LRRC1: variants seen among roughly 807,000 people sequenced by gnomAD.
LRRC1 encodes the protein leucine-rich repeat-containing protein 1.
In LRRC1, 28 loss-of-function variants were observed where a neutral mutation model predicts 69.9. The ratio of observed to expected loss-of-function variants is 0.40; its 90% CI spans 0.30 to 0.55. The LOEUF (loss-of-function observed/expected upper bound fraction) is 0.55, where lower values mean the gene tolerates loss of function less well. Among genes scored for constraint, LRRC1 ranks in the 20% least tolerant of loss-of-function variants. The pLI is 0.47. For synonymous variants in LRRC1, 236 were observed against 240.2 expected (o/e 0.98, Z 0.16); for missense variants, 498 against 609.0 (o/e 0.82, Z 1.92).
intron 4 of LRRC1, among the ~76,000 whole-genome samples, chr6:53,886,441 G>A (rs1767482715): frequency 2.0e-5 from 3 of 152,148 alleles, no homozygotes; most frequent in Admixed American, 2.0e-4. Context: ...AGTTATAATG[G>A]TGGTGGGTTA....
chr6:53,903,495 T>A lies in LRRC1; in HGVS notation c.906+748T>A, dbSNP rs1768130285. ...CATATAGCACTCTCTTTTCTTCAGTTTACTCTCCTACTTTTCTCTTTTCTC... is the reference window on the plus strand; with the variant it reads ...CATATAGCACTCTCTTTTCTTCAGTATACTCTCCTACTTTTCTCTTTTCTC... On this transcript the variant is annotated intron_variant, in intron 9 of 13. Coordinates refer to ENST00000370888, the MANE Select transcript of LRRC1 (RefSeq NM_018214.5). Among the ~76,000 whole-genome samples the A allele has an allele frequency of 2.6e-5, 4 of 152,314 alleles. No homozygotes were observed. The South Asian group carries it at 8.3e-4, about 32-fold the overall frequency.
intron 8 of LRRC1, among the ~76,000 whole-genome samples, chr6:53,901,499 T>A (rs575705626): frequency 8.5e-5 from 13 of 152,098 alleles, no homozygotes; most frequent in Non-Finnish European, 1.3e-4. Flanking sequence ...TGAGCCGTGA[T>A]TGTACCGGGG....
intron 8 of LRRC1, among the ~76,000 whole-genome samples, chr6:53,901,244 T>C (rs1031388783): frequency 6.6e-6 from 1 of 152,152 alleles, no homozygotes; most frequent in African/African-American, 2.4e-5. Context: ...AATGAAAGTA[T>C]TGTGAATTTC....
intron 3 of LRRC1, among the ~76,000 whole-genome samples, chr6:53,881,322 G>A (rs1581896024): frequency 6.6e-6 from 1 of 152,258 alleles, no homozygotes; most frequent in East Asian, 1.9e-4. Context: ...TCCTAACCTT[G>A]GGTCTGTACT....
intron 9 of LRRC1, 82 bp downstream of exon 9, chr6:53,902,829 A>G: frequency 1.2e-6 from 1 of 848,954 alleles, no homozygotes. Flanking sequence ...ACTAAATGGA[A>G]ATTTCTTCAT....
chr6:53,878,921 T>C, intron 2 of LRRC1, 72 bp from the exon 3 acceptor site: 2 of 818,442 alleles, frequency 2.4e-6, no homozygotes, highest in Non-Finnish European at 4.1e-6. Context: ...CTTGTGAGTG[T>C]GATCCATCTT....
chr6:53,830,780 G>T (rs1222958916), intron 1 of LRRC1, among the ~76,000 whole-genome samples: 1 of 151,682 alleles, frequency 6.6e-6, no homozygotes, highest in Non-Finnish European at 1.5e-5. Flanking sequence ...GGTTGGTTAG[G>T]TTGGTGCAAA....
At chr6:53,879,223 T>C (rs1767179978) in intron 3 of LRRC1, 152 bp downstream of exon 3, 1 of 607,454 alleles carries the variant, frequency 1.6e-6, no homozygotes, top group Non-Finnish European at 2.9e-6. Context: ...TATTTCTTTA[T>C]AAATAGCCCT....
intron 1 of LRRC1, among the ~76,000 whole-genome samples, chr6:53,804,742 C>CA (rs1764590317): frequency 6.6e-6 from 1 of 152,144 alleles, no homozygotes; most frequent in Non-Finnish European, 1.5e-5. Context: ...TATACCTGTG[C>CA]AAATGTTTCT....
chr6:53,919,004 T>C (rs1768653326), intron 11 of LRRC1: 1 of 152,272 alleles, frequency 6.6e-6, no homozygotes, highest in African/African-American at 2.4e-5. Context: ...GGCTGCAACT[T>C]AAATGCTTTG....
intron 2 of LRRC1, among the ~76,000 whole-genome samples, chr6:53,852,051 A>AGT (rs995215342): frequency 6.6e-6 from 1 of 152,174 alleles, no homozygotes; most frequent in Non-Finnish European, 1.5e-5. Context: ...CATCATTTTA[A>AGT]GTGTGTGTGT....
intron 3 of LRRC1, among the ~76,000 whole-genome samples, chr6:53,880,591 T>G (rs1487538315): frequency 6.6e-6 from 1 of 152,182 alleles, no homozygotes; most frequent in East Asian, 1.9e-4. Flanking sequence ...TTCCAGCCTT[T>G]TCACCTTCCT....
At chr6:53,805,535 A>G (rs1184297470) in intron 1 of LRRC1, among the ~76,000 whole-genome samples, 1 of 152,182 alleles carries the variant, frequency 6.6e-6, no homozygotes, top group African/African-American at 2.4e-5. Context: ...AAGATGAAGT[A>G]TACATAGTTG....
At chr6:53,901,574 A>G (rs1768058066) in intron 8 of LRRC1, among the ~76,000 whole-genome samples, 1 of 151,908 alleles carries the variant, frequency 6.6e-6, no homozygotes, top group Non-Finnish European at 1.5e-5. Flanking sequence ...AAGATATGTT[A>G]CAAATCAGTT....
chr6:53,803,572 T>TA (rs1458275765), intron 1 of LRRC1, among the ~76,000 whole-genome samples: 3 of 148,696 alleles, frequency 2.0e-5, no homozygotes, highest in Non-Finnish European at 4.5e-5. Flanking sequence ...GAAGATCTAA[T>TA]AGAGTGTGTG....
chr6:53,896,069 G>A (rs980126772), intron 4 of LRRC1, among the ~76,000 whole-genome samples: 7 of 152,194 alleles, frequency 4.6e-5, no homozygotes, highest in African/African-American at 1.7e-4. Context: ...CTGATACTGG[G>A]AAGAAGAGCT....
chr6:53,849,149 C>G (rs1766045877), intron 2 of LRRC1, among the ~76,000 whole-genome samples: 1 of 147,564 alleles, frequency 6.8e-6, no homozygotes, highest in African/African-American at 2.5e-5. Context: ...TTTAAGTCAA[C>G]AAGTTCTTCA....
chr6:53,900,066 C>T (rs1267958569), intron 8 of LRRC1, among the ~76,000 whole-genome samples, 175 bp downstream of exon 8: 7 of 125,900 alleles, frequency 5.6e-5, no homozygotes, highest in Non-Finnish European at 9.5e-5. Context: ...GAGATGGAGT[C>T]TCGCTCTGTC....
chr6:53,919,801 A>G, intron 12 of LRRC1, 131 bp downstream of exon 12: 1 of 745,980 alleles, frequency 1.3e-6, no homozygotes, highest in Non-Finnish European at 2.1e-6. Flanking sequence ...AGCTCAGGTG[A>G]GGCCACTGTG....
Sources: gnomAD v4.1 joint callset for allele counts (sites outside exome capture counted in the v4.1 genomes callset) on GRCh38, gnomAD v4.1.1 for gene constraint, MANE v1.5 for transcripts, NCBI Gene and HGNC (gene_info 2026-07-23, HGNC 2026-07-21) for gene names.